Variants in KCNK5 observed in about 807,000 individuals in gnomAD.
KCNK5 encodes the protein potassium two pore domain channel subfamily K member 5, also known as potassium channel subfamily K member 5.
Under a neutral mutation model 32.9 loss-of-function variants are expected in KCNK5, and 18 were observed. The observed-to-expected ratio is 0.55, with a 90% confidence interval of 0.38 to 0.81. The LOEUF is 0.81. KCNK5 is among the 30% of genes least tolerant of loss of function. The probability of loss-of-function intolerance (pLI) is 0.00; values close to 1 mark genes in which losing one functional copy is unlikely to be tolerated. For missense variants in KCNK5, 507 were observed against 651.0 expected (o/e 0.78, Z 2.41); for synonymous variants, 276 against 275.3 (o/e 1.00, Z -0.03).
intron 4 of KCNK5, among the ~76,000 whole-genome samples, chr6:39,192,283 CAAA>C (rs1226626372): frequency 4.3e-5 from 2 of 46,718 alleles, no homozygotes; most frequent in African/African-American, 1.0e-4. Context: ...GACTCCGTCT[CAAA>C]AAAAAAAAAA....
chr6:39,192,283 C>CAAAAA lies in KCNK5; in HGVS notation c.635-533_635-529dup, dbSNP rs1226626372. On this transcript the variant is annotated intron_variant, in intron 4 of 4. Transcript: ENST00000359534. ...TGGGCAGCAGACAGAGACTCCGTCT[C>CAAAAA]AAAAAAAAAAAAAAAAAAAAAAAAA... Among the ~76,000 whole-genome samples the CAAAAA allele has an allele frequency of 3.2e-3, 148 of 46,650 alleles. 25 individuals carry two copies. Among genetic ancestry groups the CAAAAA allele is most frequent in the East Asian group, 4.4e-3 (6 of 1,378 alleles). The allele number at this position is 46,650 out of a possible 152,430, so 30.6% of individuals were successfully genotyped here. A position where few individuals can be genotyped will look rare whatever the true frequency, so the allele number is the denominator to read the frequency against.
At position 39,191,002 on chromosome 6, in the gene KCNK5, T is replaced by A. The variant is rs749748582; in HGVS notation, c.1388A>T (p.Glu463Val). Residue 463 changes from glutamate to valine, a missense_variant, in exon 5 of 5, where the codon GAG becomes GTG. Around this residue, in one of 6 missense-constraint regions of KCNK5, gnomAD observed 252 missense variants for 250.8 expected, o/e 1.00. Transcript: ENST00000359534. The surrounding 1 kb of genome is among the most constrained non-coding windows in gnomAD (Gnocchi z 5.8). The stretch of plus-strand genomic sequence containing the variant: ...GGTGGACTCGGAGGAGGAGGGGAAC[T>A]CGCCCATGTTCAGGGGCGCCTTGGC... Reference protein sequence around the residue: ...AEAKAPLNMGEFPSSSESTFT... With the variant: ...AEAKAPLNMGVFPSSSESTFT... 1 of 1,583,084 alleles carries A rather than the reference T, an allele frequency of 6.3e-7. No homozygotes were observed. Among genetic ancestry groups the A allele is most frequent in the Non-Finnish European group, 8.6e-7 (1 of 1,165,754 alleles).
chr6:39,220,293 G>C (rs1771521734), intron 1 of KCNK5, among the ~76,000 whole-genome samples: 1 of 152,218 alleles, frequency 6.6e-6, no homozygotes, highest in African/African-American at 2.4e-5. Context: ...GGTGACAACA[G>C]CCAGAAGTAC....
chr6:39,201,003 T>C (rs1227429824), intron 1 of KCNK5, among the ~76,000 whole-genome samples: 1 of 152,226 alleles, frequency 6.6e-6, no homozygotes, highest in African/African-American at 2.4e-5. Flanking sequence ...TGTTAGCCTG[T>C]TGGGATCACA....
intron 1 of KCNK5, among the ~76,000 whole-genome samples, chr6:39,210,543 A>G (rs1204483608): frequency 6.6e-6 from 1 of 152,134 alleles, no homozygotes; most frequent in Non-Finnish European, 1.5e-5. Flanking sequence ...TATTAACCCA[A>G]CAACGATGGG....
At chr6:39,214,557 G>A (rs1002998141) in intron 1 of KCNK5, among the ~76,000 whole-genome samples, 1 of 152,206 alleles carries the variant, frequency 6.6e-6, no homozygotes, top group Non-Finnish European at 1.5e-5. Context: ...ACAAAGGAGA[G>A]AGAGAAACAC....
intron 1 of KCNK5, among the ~76,000 whole-genome samples, chr6:39,203,077 C>T (rs1771159805): frequency 6.6e-6 from 1 of 152,172 alleles, no homozygotes; most frequent in Non-Finnish European, 1.5e-5. Context: ...AGGAGCAAAG[C>T]TGCTCACCCC....
At chr6:39,207,765 GATCCA>G (rs1771255511) in intron 1 of KCNK5, among the ~76,000 whole-genome samples, 1 of 152,110 alleles carries the variant, frequency 6.6e-6, no homozygotes, top group East Asian at 1.9e-4. Flanking sequence ...AGGATGCTCT[GATCCA>G]TGAGGCTCTT....
chr6:39,203,285 C>T (rs1771162845), intron 1 of KCNK5, among the ~76,000 whole-genome samples: 1 of 152,198 alleles, frequency 6.6e-6, no homozygotes, highest in Admixed American at 6.5e-5. Context: ...CTCCCTCAGG[C>T]CACATGGAGG....
chr6:39,190,797 C>G lies in KCNK5; in HGVS notation c.*93G>C. 7.7e-7 allele frequency: 1 copy of G among 1,305,690 alleles called. No individual in the cohort carries two copies. Among genetic ancestry groups the G allele is most frequent in the Non-Finnish European group, 1.0e-6 (1 of 996,428 alleles). The allele number at this position is 1,305,690 out of a possible 1,614,324, so 80.9% of individuals were successfully genotyped here. On this transcript the variant is annotated 3_prime_UTR_variant, in exon 5 of 5. Transcript: ENST00000359534. ...CCACTCCCAGTTCCGAGGCTGCCCC[C>G]CCACCAGGGGCCAGGCGTCCCGGTC...
At chr6:39,200,862 GC>G (rs1000281101) in intron 1 of KCNK5, among the ~76,000 whole-genome samples, 9 of 152,198 alleles carry the variant, frequency 5.9e-5, no homozygotes, top group African/African-American at 2.2e-4. Flanking sequence ...CAGTGGTGGG[GC>G]ATCCCCTTCC....
intron 1 of KCNK5, among the ~76,000 whole-genome samples, chr6:39,210,078 C>T (rs867386052): frequency 6.6e-6 from 1 of 152,236 alleles, no homozygotes; most frequent in South Asian, 2.1e-4. Context: ...AGTAATGTGC[C>T]AGGTTTCTAA....
intron 1 of KCNK5, among the ~76,000 whole-genome samples, chr6:39,212,835 C>T (rs1771365884): frequency 1.3e-5 from 2 of 152,228 alleles, no homozygotes; most frequent in Non-Finnish European, 2.9e-5. Flanking sequence ...TGTCCTTCTC[C>T]TCAAAGCATT....
chr6:39,211,520 G>C (rs1404984841), intron 1 of KCNK5, among the ~76,000 whole-genome samples: 1 of 152,186 alleles, frequency 6.6e-6, no homozygotes, highest in Non-Finnish European at 1.5e-5. Context: ...AGAAACCTCG[G>C]GTTCTGGCCC....
rs1442071821 is a variant in KCNK5 at position 39,228,935 on chromosome 6, C to T, written c.177G>A (p.Lys59=). The T allele has an allele frequency of 1.2e-6, 2 of 1,614,166 alleles. No individual in the cohort carries two copies. Among genetic ancestry groups the T allele is most frequent in the Non-Finnish European group, 1.7e-6 (2 of 1,180,018 alleles). The change falls in exon 1 of 5, where the codon AAG becomes AAA. Residue 59 remains lysine, a synonymous_variant. Coordinates refer to ENST00000359534, the MANE Select transcript of KCNK5 (RefSeq NM_003740.4). The part of the protein sequence containing the change: ...FPCLGQEGLD[K]ILEVVSDAAG... Reference sequence around the variant, plus strand: ...ACAGGCGGCGACTGACCTCTAGGATCTTGTCCAGGCCCTCCTGACCCAGGC... The same window carrying T: ...ACAGGCGGCGACTGACCTCTAGGATTTTGTCCAGGCCCTCCTGACCCAGGC...
Position 39,228,399 on chromosome 6 carries a change from A to G in KCNK5, c.186+527T>C, listed in dbSNP as rs535544485. On this transcript the variant is annotated intron_variant, in intron 1 of 4. Transcript: ENST00000359534. ...CACAGAGCCTCCAGCTCCTCTCCGGAACTCTGCTGGGGGCGGAAGATTTTG... is the reference window on the plus strand; with the variant it reads ...CACAGAGCCTCCAGCTCCTCTCCGGGACTCTGCTGGGGGCGGAAGATTTTG... 2.0e-5 allele frequency among the ~76,000 whole-genome samples: 3 copies of G among 152,174 alleles called. No homozygotes were observed. In the East Asian group the frequency reaches 5.8e-4, roughly 29 times the overall value.
At chr6:39,206,321 G>A (rs1359442659) in intron 1 of KCNK5, among the ~76,000 whole-genome samples, 1 of 152,240 alleles carries the variant, frequency 6.6e-6, no homozygotes, top group Admixed American at 6.5e-5. Context: ...GATCTGACCT[G>A]ACTATATGAG....
chr6:39,200,162 C>T (rs1386753423), intron 1 of KCNK5, among the ~76,000 whole-genome samples: 5 of 152,206 alleles, frequency 3.3e-5, no homozygotes, highest in South Asian at 2.1e-4. Flanking sequence ...AAACAGCTTT[C>T]GCGGGAGGAG....
chr6:39,195,947 C>T lies in KCNK5; in HGVS notation c.227G>A (p.Gly76Glu), dbSNP rs1050062838. The change falls in exon 2 of 5, where the codon GGG (glycine) becomes GAG (glutamate). Residue 76 changes from glycine to glutamate, a missense_variant. Physicochemically the swap from Gly to Glu is moderately conservative, Grantham distance 98. Transcript: ENST00000359534. ...DAAGQGVAIT[G>E]NQTFNNWNWP... ...GTTCCAGTTGTTGAAGGTCTGGTTC[C>T]CTGTGATGGCCACACCCTGTCCTGC... 6.2e-7 allele frequency: 1 copy of T among 1,613,756 alleles called. No individual in the cohort carries two copies. Among genetic ancestry groups the T allele is most frequent in the Admixed American group, 1.7e-5 (1 of 59,978 alleles).
Sources: allele counts gnomAD v4.1 joint callset (sites outside exome capture counted in the v4.1 genomes callset), GRCh38; gene constraint gnomAD v4.1.1; regional missense constraint gnomAD v4.1.1; non-coding constraint Gnocchi (gnomAD v3.1); transcripts MANE v1.5; gene names NCBI Gene and HGNC (gene_info 2026-07-23, HGNC 2026-07-21).